The following IGSF6 variants were observed in gnomAD, a reference collection of about 807,000 sequenced individuals.
IGSF6 encodes down-regulated by activation (immunoglobulin superfamily).
A neutral mutation model predicts 24.7 loss-of-function variants in IGSF6; 23 were observed. That is an observed-to-expected ratio of 0.93 (90% confidence interval 0.67 to 1.32). The LOEUF (loss-of-function observed/expected upper bound fraction) is 1.32. Among genes scored for constraint, IGSF6 ranks in the 40% most tolerant of loss-of-function variants. The pLI is 0.00. For synonymous variants in IGSF6, 110 were observed against 113.7 expected (o/e 0.97, Z 0.21); for missense variants, 295 against 293.6 (o/e 1.00, Z -0.04).
At chr16:21,643,217 T>A in intron 4 of IGSF6, 63 bp from the exon 5 acceptor site, 2 of 1,264,368 alleles carry the variant, frequency 1.6e-6, no homozygotes. Flanking sequence ...TAACGACGCA[T>A]CATCAGAACT....
chr16:21,643,602 C>T lies in IGSF6; in HGVS notation c.535-4G>A, dbSNP rs1166168006. ...TTCTTAGAGGGTTGGATTTTGACTG[C>T]CAAGAAGAGAAGGAAAGTCTATGAA... On this transcript the variant is annotated splice_polypyrimidine_tract_variant and splice_region_variant and intron_variant, in intron 3 of 5. Coordinates refer to ENST00000268389, the MANE Select transcript of IGSF6 (RefSeq NM_005849.4). 1 of 1,601,066 alleles carries T rather than the reference C, an allele frequency of 6.2e-7. No homozygotes were observed. Among genetic ancestry groups the T allele is most frequent in the Non-Finnish European group, 8.5e-7 (1 of 1,169,992 alleles).
chr16:21,648,764 C>T lies in IGSF6; in HGVS notation c.68-1272G>A, dbSNP rs540341928. On this transcript the variant is annotated intron_variant, in intron 1 of 5. Transcript: ENST00000268389. ...TTTGTCAAGTTTTTGGTCTGAGTTC[C>T]GCCTGGTCATATATTCCCAAATGGT... Among the ~76,000 whole-genome samples, 22 of 152,290 alleles carry T rather than the reference C, an allele frequency of 1.4e-4. 1 individual carries two copies. In the East Asian group the frequency reaches 2.5e-3, roughly 17 times the overall value.
In IGSF6 at chr16:21,641,585, A is replaced by T. The variant is rs143990839; in HGVS notation, c.675T>A (p.Asp225Glu). 1 of 1,574,568 alleles carries T rather than the reference A, an allele frequency of 6.4e-7. No individual in the cohort carries two copies. Among genetic ancestry groups the T allele is most frequent in the Non-Finnish European group, 8.7e-7 (1 of 1,146,726 alleles). Residue 225 changes from aspartate to glutamate, a missense_variant, in exon 6 of 6, where the codon GAT becomes GAA. Physicochemically the swap from Asp to Glu is conservative, Grantham distance 45. Transcript: ENST00000268389. ...CTCTTCTGTTTTCATAAGTGTTGTT[A>T]TCTTTCTCCTGCAATAATAAATAAA... ...HVETNQQSEK[D>E]NNTYENRRVL...
At position 21,649,164 on chromosome 16, in the gene IGSF6, T is replaced by G. The variant is rs187495680; in HGVS notation, c.68-1672A>C. Among the ~76,000 whole-genome samples, 450 of 152,240 alleles carry G rather than the reference T, an allele frequency of 3.0e-3. 1 individual carries two copies. The highest frequency in any genetic ancestry group is 5.3e-3 in the Non-Finnish European group (359 of 67,994). On this transcript the variant is annotated intron_variant, in intron 1 of 5. Transcript: ENST00000268389. ...TGCAGCACTGTGCCCAGCTAATTTTTGTATTTTTTGTAGAGACAGGGTTTC... is the reference window on the plus strand; with the variant it reads ...TGCAGCACTGTGCCCAGCTAATTTTGGTATTTTTTGTAGAGACAGGGTTTC...
intron 1 of IGSF6, 148 bp from the exon 2 acceptor site, chr16:21,647,640 T>C: frequency 1.9e-6 from 2 of 1,061,830 alleles, no homozygotes; most frequent in Non-Finnish European, 2.6e-6. Flanking sequence ...ACACCAGTGG[T>C]CCTCACTTGC....
At chr16:21,647,614 A>G (rs1966465342) in intron 1 of IGSF6, 122 bp from the exon 2 acceptor site, 1 of 1,270,940 alleles carries the variant, frequency 7.9e-7, no homozygotes, top group Non-Finnish European at 1.1e-6. Flanking sequence ...CCCAATATAA[A>G]TAAGACTAAA....
intron 1 of IGSF6, 44 bp downstream of exon 1, chr16:21,652,488 G>T: frequency 6.8e-7 from 1 of 1,479,198 alleles, no homozygotes; most frequent in Non-Finnish European, 9.4e-7. Context: ...AAAAATAGCA[G>T]TTGATTTAAA....
Position 21,644,455 on chromosome 16 carries a change from A to G in IGSF6, c.428-59T>C, listed in dbSNP as rs1966368605. 7 of 1,203,046 alleles carry G rather than the reference A, an allele frequency of 5.8e-6. No individual in the cohort carries two copies. In the South Asian group the frequency reaches 8.6e-5, roughly 15 times the overall value. 74.5% of individuals were successfully genotyped at this position (1,203,046 alleles called of 1,614,324 possible). A position where few individuals can be genotyped will look rare whatever the true frequency, so the allele number is the denominator to read the frequency against. On this transcript the variant is annotated intron_variant, in intron 2 of 5. Transcript: ENST00000268389. ...TATTAAAGCCTATTCTTTCAAATAC[A>G]TGTGTAAAGTATCCTTCACACTGCG...
chr16:21,643,454 C>T, intron 4 of IGSF6, 94 bp downstream of exon 4: 1 of 802,844 alleles, frequency 1.2e-6, no homozygotes, highest in Non-Finnish European at 2.0e-6. Context: ...TTAAACTTAA[C>T]ATTTAAATAT....
intron 1 of IGSF6, among the ~76,000 whole-genome samples, chr16:21,648,259 T>C (rs1966480749): frequency 6.6e-6 from 1 of 152,194 alleles, no homozygotes; most frequent in Admixed American, 6.5e-5. Context: ...GAGCACAGAC[T>C]TGAGTTCAAA....
chr16:21,641,466 T>A lies in IGSF6; in HGVS notation c.*68A>T. On this transcript the variant is annotated 3_prime_UTR_variant, in exon 6 of 6. Coordinates refer to ENST00000268389, the MANE Select transcript of IGSF6 (RefSeq NM_005849.4). ...TTTTTTTTTAAGACCTGATGATATA[T>A]GTTCATTAACACTGCCATAGCTCCT... 1 of 841,950 alleles carries A rather than the reference T, an allele frequency of 1.2e-6. No individual in the cohort carries two copies. The highest frequency in any genetic ancestry group is 1.9e-6 in the Non-Finnish European group (1 of 521,452). 52.2% of individuals were successfully genotyped at this position (841,950 alleles called of 1,614,324 possible). A position where few individuals can be genotyped will look rare whatever the true frequency, so the allele number is the denominator to read the frequency against.
In IGSF6 at chr16:21,644,387, A is replaced by G; in HGVS notation, c.437T>C (p.Leu146Pro). 1 of 1,611,270 alleles carries G rather than the reference A, an allele frequency of 6.2e-7. No homozygotes were observed. The highest frequency in any genetic ancestry group is 8.5e-7 in the Non-Finnish European group (1 of 1,177,514). Residue 146 changes from leucine to proline, a missense_variant, in exon 3 of 6, where the codon CTG (leucine) becomes CCG (proline). Physicochemically the swap from Leu to Pro is moderately conservative, Grantham distance 98. Coordinates refer to ENST00000268389, the MANE Select transcript of IGSF6 (RefSeq NM_005849.4). ...GTTLVVREIK[L>P]LSKELRSFLT... Reference sequence around the variant, plus strand: ...GAAGCTCCGCAGTTCCTTGCTGAGCAGCTTAATTTCTTAATGACAAAAACA... The same window carrying G: ...GAAGCTCCGCAGTTCCTTGCTGAGCGGCTTAATTTCTTAATGACAAAAACA...
Position 21,647,473 on chromosome 16 carries a change from A to T in IGSF6, c.87T>A (p.Thr29=). 6.2e-7 allele frequency: 1 copy of T among 1,612,000 alleles called. No individual in the cohort carries two copies. The highest frequency in any genetic ancestry group is 8.5e-7 in the Non-Finnish European group (1 of 1,178,288). ...LFCVGAVGAC[T]LSVTQPWYLE... is the part of the protein sequence containing the mutation. ...GGTACCACGGTTGTGTGACAGAGAG[A>T]GTACAGGCGCCCACAGCACCTGTGG... The change falls in exon 2 of 6, where the codon ACT becomes ACA. Residue 29 remains threonine (T), a synonymous_variant. Coordinates refer to ENST00000268389, the MANE Select transcript of IGSF6 (RefSeq NM_005849.4).
intron 1 of IGSF6, among the ~76,000 whole-genome samples, chr16:21,649,797 C>T (rs1597789413): frequency 6.6e-6 from 1 of 152,148 alleles, no homozygotes; most frequent in African/African-American, 2.4e-5. Context: ...TAGCCTTTGT[C>T]TTCTGGGCTC....
In IGSF6 at chr16:21,647,355, G is replaced by C; in HGVS notation, c.205C>G (p.Arg69Gly). The change falls in exon 2 of 6, where the codon CGC (arginine) becomes GGC (glycine). Residue 69 changes from arginine (R) to glycine (G), a missense_variant. Coordinates refer to ENST00000268389, the MANE Select transcript of IGSF6 (RefSeq NM_005849.4). ...TTCTCAGGCTGGTGAGCACCGTAGCGAAACCACAGGCATGTTGGTTGCTCA... is the reference window on the plus strand; with the variant it reads ...TTCTCAGGCTGGTGAGCACCGTAGCCAAACCACAGGCATGTTGGTTGCTCA... ...PSEQPTCLWF[R>G]YGAHQPENLC... The C allele has an allele frequency of 6.2e-7, 1 of 1,614,100 alleles. No individual in the cohort carries two copies. Among genetic ancestry groups the C allele is most frequent in the South Asian group, 1.1e-5 (1 of 91,082 alleles).
chr16:21,641,507 G>C lies in IGSF6; in HGVS notation c.*27C>G. On this transcript the variant is annotated 3_prime_UTR_variant, in exon 6 of 6. Coordinates refer to ENST00000268389, the MANE Select transcript of IGSF6 (RefSeq NM_005849.4). ...CATAGCTCCTGGAGTTGGATTTTCA[G>C]TGACTTCATTGAAAATTAAAACGTT... is the stretch of plus-strand genomic sequence containing the variant. 1 of 1,446,226 alleles carries C rather than the reference G, an allele frequency of 6.9e-7. No individual in the cohort carries two copies. Among genetic ancestry groups the C allele is most frequent in the South Asian group, 1.2e-5 (1 of 84,244 alleles). 89.6% of individuals were successfully genotyped at this position (1,446,226 alleles called of 1,614,324 possible). A position where few individuals can be genotyped will look rare whatever the true frequency, so the allele number is the denominator to read the frequency against.
rs758754048 is a variant in IGSF6 at position 21,647,152 on chromosome 16, CCCT to C, written c.405_407del (p.Gly136del). 6.2e-7 allele frequency: 1 copy of C among 1,614,116 alleles called. No homozygotes were observed. The highest frequency in any genetic ancestry group is 1.1e-5 in the South Asian group (1 of 91,056). On this transcript the variant is annotated inframe_deletion, in exon 2 of 6. Coordinates refer to ENST00000268389, the MANE Select transcript of IGSF6 (RefSeq NM_005849.4). ...ACTGACCTCTTACCACCAGTGTGGTCCCTCCTCCTGTCTGTTTAGCTCTCGCTT... is the reference window on the plus strand; with the variant it reads ...ACTGACCTCTTACCACCAGTGTGGTCCCTCCTGTCTGTTTAGCTCTCGCTT...
At chr16:21,643,692 A>G (rs113364480) in intron 3 of IGSF6, 94 bp from the exon 4 acceptor site, 1 of 781,020 alleles carries the variant, frequency 1.3e-6, no homozygotes, top group Non-Finnish European at 2.1e-6. Flanking sequence ...AAACTAACTT[A>G]ATATTTAAGT....
Position 21,641,597 on chromosome 16 carries a change from C to T in IGSF6, c.667-4G>A, listed in dbSNP as rs2141610114. ...CATAAGTGTTGTTATCTTTCTCCTG[C>T]AATAATAAATAAATAGAAAGCCATG... On this transcript the variant is annotated splice_polypyrimidine_tract_variant and splice_region_variant and intron_variant, in intron 5 of 5. Transcript: ENST00000268389. 1.3e-6 allele frequency: 2 copies of T among 1,550,572 alleles called. No homozygotes were observed. The highest frequency in any genetic ancestry group is 2.3e-5 in the South Asian group (2 of 88,582).
Sources: gnomAD v4.1 joint callset for allele counts (sites outside exome capture counted in the v4.1 genomes callset) on GRCh38, gnomAD v4.1.1 for gene constraint, MANE v1.5 for transcripts, NCBI Gene and HGNC (gene_info 2026-07-23, HGNC 2026-07-21) for gene names.